Variants in SCARA5 observed in about 807,000 individuals in gnomAD.
The protein encoded by SCARA5 is scavenger receptor class A, member 5 (putative).
In SCARA5, 45 loss-of-function variants were observed where a neutral mutation model predicts 46.3. The ratio of observed to expected loss-of-function variants is 0.97; its 90% CI spans 0.76 to 1.24. The LOEUF is 1.24. Ranked by LOEUF, SCARA5 falls within the 50% of genes most tolerant of loss-of-function variation. The pLI is 0.00. For synonymous variants in SCARA5, 333 were observed against 306.5 expected (o/e 1.09, Z -0.90); for missense variants, 680 against 689.0 (o/e 0.99, Z 0.15).
intron 3 of SCARA5, among the ~76,000 whole-genome samples, chr8:27,946,940 T>TTC (rs1808047161): frequency 6.6e-6 from 1 of 151,836 alleles, no homozygotes; most frequent in Non-Finnish European, 1.5e-5. Context: ...TTGTTTTTTT[T>TTC]CACTGTTCTC....
intron 3 of SCARA5, among the ~76,000 whole-genome samples, chr8:27,927,568 G>A (rs1807702655): frequency 6.6e-6 from 1 of 151,706 alleles, no homozygotes; most frequent in Non-Finnish European, 1.5e-5. Flanking sequence ...TTATAATTAT[G>A]ATTTTGATGA....
At chr8:27,886,283 T>C (rs570849005) in intron 7 of SCARA5, among the ~76,000 whole-genome samples, 1 of 152,340 alleles carries the variant, frequency 6.6e-6, no homozygotes, top group South Asian at 2.1e-4. Context: ...AGATGCTGCC[T>C]GCCCCAGCAG....
At chr8:27,920,590 G>C (rs368367004) in intron 4 of SCARA5, among the ~76,000 whole-genome samples, 1 of 144,926 alleles carries the variant, frequency 6.9e-6, no homozygotes, top group African/African-American at 2.6e-5. Context: ...TCCAGCCTGA[G>C]CGACAGAGCG....
chr8:27,926,248 C>A (rs1353613665), intron 3 of SCARA5, among the ~76,000 whole-genome samples: 8 of 152,114 alleles, frequency 5.3e-5, no homozygotes, highest in Admixed American at 3.3e-4. Flanking sequence ...ACATATACAC[C>A]ATGGAATACT....
In SCARA5 at chr8:27,967,163, C is replaced by A. The variant is rs1213858652; in HGVS notation, c.113-621G>T. Among the ~76,000 whole-genome samples the A allele has an allele frequency of 3.3e-5, 5 of 152,212 alleles. No individual in the cohort carries two copies. In the East Asian group the frequency reaches 5.8e-4, roughly 18 times the overall value. On this transcript the variant is annotated intron_variant, in intron 2 of 8. Coordinates refer to ENST00000354914, the MANE Select transcript of SCARA5 (RefSeq NM_173833.6). ...AAACACATCTGTAAGCCAGTTCTGA[C>A]CAGCTTGCAACCTTGCATTTAGATT...
At chr8:27,926,461 G>A (rs899221894) in intron 3 of SCARA5, among the ~76,000 whole-genome samples, 3 of 152,104 alleles carry the variant, frequency 2.0e-5, no homozygotes, top group Non-Finnish European at 4.4e-5. Context: ...GTGGGGGACT[G>A]GGGGAGGGAT....
At chr8:27,882,581 T>C (rs1487501302) in intron 7 of SCARA5, among the ~76,000 whole-genome samples, 1 of 152,222 alleles carries the variant, frequency 6.6e-6, no homozygotes, top group African/African-American at 2.4e-5. Context: ...TGGTCATTCA[T>C]GTTCACTTTC....
At chr8:27,958,969 A>G (rs113309658) in intron 3 of SCARA5, among the ~76,000 whole-genome samples, 8,748 of 152,290 alleles carry the variant, frequency 0.057, 352 homozygotes, top group Middle Eastern at 0.12. Context: ...GCGGTGGCTC[A>G]TGCCTGCAAT....
chr8:27,945,712 G>C (rs1466348803), intron 3 of SCARA5, among the ~76,000 whole-genome samples: 1 of 152,172 alleles, frequency 6.6e-6, no homozygotes, highest in Non-Finnish European at 1.5e-5. Context: ...ATGGTAGTGA[G>C]TATGTATTAG....
At chr8:27,973,497 T>G (rs994748895) in intron 2 of SCARA5, among the ~76,000 whole-genome samples, 9 of 152,026 alleles carry the variant, frequency 5.9e-5, no homozygotes, top group African/African-American at 2.2e-4. Flanking sequence ...ATTAATTAAT[T>G]AATTAAAAGC....
At chr8:27,941,132 C>T (rs1256610733) in intron 3 of SCARA5, among the ~76,000 whole-genome samples, 3 of 151,814 alleles carry the variant, frequency 2.0e-5, no homozygotes, top group African/African-American at 7.3e-5. Flanking sequence ...CTTATATTTA[C>T]CATGTTTCAA....
intron 5 of SCARA5, among the ~76,000 whole-genome samples, chr8:27,907,726 C>T (rs1275661410): frequency 1.3e-5 from 2 of 152,060 alleles, no homozygotes; most frequent in Non-Finnish European, 1.5e-5. Context: ...CACGCCGCCA[C>T]GCCCAGCTAA....
At chr8:27,889,692 C>T (rs1258146818) in intron 7 of SCARA5, among the ~76,000 whole-genome samples, 1 of 152,200 alleles carries the variant, frequency 6.6e-6, no homozygotes, top group African/African-American at 2.4e-5. Flanking sequence ...TGCAATGCTT[C>T]TAACTAAAAT....
chr8:27,920,519 C>T (rs1414269916), intron 4 of SCARA5, among the ~76,000 whole-genome samples: 2 of 150,452 alleles, frequency 1.3e-5, no homozygotes, highest in Non-Finnish European at 2.9e-5. Context: ...AAGTCTGAGG[C>T]AGGAGAATCG....
intron 2 of SCARA5, among the ~76,000 whole-genome samples, chr8:27,967,483 T>A (rs1020399981): frequency 6.6e-5 from 10 of 152,122 alleles, no homozygotes; most frequent in African/African-American, 2.2e-4. Flanking sequence ...TCCCTGATGT[T>A]AGCAGGGCAT....
chr8:27,922,944 C>T (rs1040115496), intron 3 of SCARA5, among the ~76,000 whole-genome samples: 1 of 152,234 alleles, frequency 6.6e-6, no homozygotes, highest in Non-Finnish European at 1.5e-5. Context: ...CCTCACCAGA[C>T]ATGAATCTGC....
chr8:27,921,576 G>A lies in SCARA5; in HGVS notation c.911C>T (p.Ala304Val), dbSNP rs118119884. 0.034 allele frequency: 52,229 copies of A among 1,547,600 alleles called. 1,066 individuals are homozygous for A. Among genetic ancestry groups the A allele is most frequent in the South Asian group, 0.039 (3,189 of 81,254 alleles). Residue 304 changes from alanine (A) to valine (V), a missense_variant, in exon 4 of 9, where the codon GCG becomes GTG. Physicochemically the swap from Ala to Val is moderately conservative, Grantham distance 64. This residue lies in a region of SCARA5 where 438 missense variants were observed against 384.5 expected (regional missense o/e 1.14). Transcript: ENST00000354914. ...CAGCAAGGGCCTGGCGGTACCTTTC[G>A]CGAGGGAGATGTTCCGCAGTGCGAT... ...HSIALRNISL[A>V]KGPPGPKGDQ...
At position 27,879,747 on chromosome 8, in the gene SCARA5, C is replaced by A. The variant is rs1806782018; in HGVS notation, c.1173G>T (p.Met391Ile). 6.2e-7 allele frequency: 1 copy of A among 1,613,110 alleles called. No homozygotes were observed. The highest frequency in any genetic ancestry group is 8.5e-7 in the Non-Finnish European group (1 of 1,180,018). ...AGDASGVEAPMMIRLVNGSGP... is the reference protein window; with the variant it reads ...AGDASGVEAPIMIRLVNGSGP... Reference sequence around the variant, plus strand: ...CTGAGCCATTCACCAGGCGGATCATCATCGGGGCCTCCACGCCACCTGCCG... The same window carrying A: ...CTGAGCCATTCACCAGGCGGATCATAATCGGGGCCTCCACGCCACCTGCCG... The change falls in exon 8 of 9, where the codon ATG becomes ATT. Residue 391 changes from methionine (M) to isoleucine (I), a missense_variant. Physicochemically the swap from Met to Ile is conservative, Grantham distance 10. Coordinates refer to ENST00000354914, the MANE Select transcript of SCARA5 (RefSeq NM_173833.6).
intron 2 of SCARA5, among the ~76,000 whole-genome samples, chr8:27,974,744 C>T (rs1808497934): frequency 6.6e-6 from 1 of 151,914 alleles, no homozygotes; most frequent in Non-Finnish European, 1.5e-5. Flanking sequence ...CATGGGGACT[C>T]CATAGGGGAG....
Sources: allele counts gnomAD v4.1 joint callset (sites outside exome capture counted in the v4.1 genomes callset), GRCh38; gene constraint gnomAD v4.1.1; regional missense constraint gnomAD v4.1.1; transcripts MANE v1.5; gene names NCBI Gene and HGNC (gene_info 2026-07-23, HGNC 2026-07-21).